The following NMNAT2 variants were observed in gnomAD, a reference collection of about 807,000 sequenced individuals.
NMNAT2 encodes nicotinamide nucleotide adenylyltransferase 2, also known as nicotinamide/nicotinic acid mononucleotide adenylyltransferase 2.
Under a neutral mutation model 41.6 loss-of-function variants are expected in NMNAT2, and 11 were observed. The observed-to-expected ratio is 0.26, with a 90% CI of 0.17 to 0.44. NMNAT2 has a LOEUF of 0.44. Ranked by LOEUF, NMNAT2 falls within the 20% of genes least tolerant of loss-of-function variation. NMNAT2 has a pLI of 1.00. For synonymous variants in NMNAT2, 148 were observed against 151.2 expected, an observed-to-expected ratio of 0.98 and a Z score of 0.16; for missense variants, 288 against 407.7, an observed-to-expected ratio of 0.71 and a Z score of 2.53.
chr1:183,395,091 T>C (rs180874306), intron 1 of NMNAT2, among the ~76,000 whole-genome samples: 1 of 152,184 alleles, frequency 6.6e-6, no homozygotes, highest in Non-Finnish European at 1.5e-5. Flanking sequence ...AGACAGACAC[T>C]GGCAACAACT....
intron 1 of NMNAT2, among the ~76,000 whole-genome samples, chr1:183,330,820 C>A (rs968599423): frequency 1.3e-5 from 2 of 152,188 alleles, no homozygotes; most frequent in Non-Finnish European, 2.9e-5. Flanking sequence ...AGCTCCTCCC[C>A]ACTTTAATGT....
At chr1:183,315,364 C>T (rs1662221365) in intron 1 of NMNAT2, among the ~76,000 whole-genome samples, 1 of 151,976 alleles carries the variant, frequency 6.6e-6, no homozygotes, top group South Asian at 2.1e-4. Context: ...CATTGGTGAA[C>T]ACTCAAAAAT....
chr1:183,300,111 G>A (rs1571584105), intron 1 of NMNAT2, among the ~76,000 whole-genome samples: 1 of 152,036 alleles, frequency 6.6e-6, no homozygotes, highest in East Asian at 1.9e-4. Context: ...ACACATAGAA[G>A]GCACCATTTA....
chr1:183,331,325 G>A lies in NMNAT2; in HGVS notation c.86-37532C>T, dbSNP rs183173337. On this transcript the variant is annotated intron_variant, in intron 1 of 10. Transcript: ENST00000287713. Reference sequence around the variant, plus strand: ...AAGCCTGTTTTTCAGCTCACAGCTGGGGACTTGAGGAGGAGACTGGCTGAC... The same window carrying A: ...AAGCCTGTTTTTCAGCTCACAGCTGAGGACTTGAGGAGGAGACTGGCTGAC... Among the ~76,000 whole-genome samples the A allele has an allele frequency of 2.2e-4, 33 of 152,310 alleles. No homozygotes were observed. The East Asian group carries it at 6.0e-3, about 28-fold the overall frequency.
At chr1:183,380,664 A>C (rs887646092) in intron 1 of NMNAT2, among the ~76,000 whole-genome samples, 2 of 152,194 alleles carry the variant, frequency 1.3e-5, no homozygotes, top group Non-Finnish European at 2.9e-5. Flanking sequence ...AAAAAGTAAT[A>C]TCTCTCCTTC....
At chr1:183,351,634 T>A (rs1663048736) in intron 1 of NMNAT2, among the ~76,000 whole-genome samples, 1 of 152,192 alleles carries the variant, frequency 6.6e-6, no homozygotes, top group Admixed American at 6.5e-5. Context: ...CAGCTTAGGG[T>A]CTTTGTTGAA....
chr1:183,402,730 C>T lies in NMNAT2; in HGVS notation c.85+15453G>A, dbSNP rs59861941. 6.1e-4 allele frequency among the ~76,000 whole-genome samples: 93 copies of T among 152,314 alleles called. No individual in the cohort carries two copies. In the East Asian group the frequency reaches 0.016, roughly 27 times the overall value. ...TGTCAGGCCACTGCTGCTCCCCCCT[C>T]CACTCCCTCAAGGCAGGACAAGTAT... On this transcript the variant is annotated intron_variant, in intron 1 of 10. Coordinates refer to ENST00000287713, the MANE Select transcript of NMNAT2 (RefSeq NM_015039.4).
intron 1 of NMNAT2, among the ~76,000 whole-genome samples, chr1:183,376,184 A>G (rs1302439798): frequency 6.6e-6 from 1 of 152,236 alleles, no homozygotes; most frequent in East Asian, 1.9e-4. Context: ...ATGTACTGAT[A>G]TAATAAATTA....
chr1:183,332,976 T>C (rs675220), intron 1 of NMNAT2, among the ~76,000 whole-genome samples: 40,306 of 152,098 alleles, frequency 0.27, 6,045 homozygotes, highest in African/African-American at 0.41. Flanking sequence ...GATCTTAGGA[T>C]GGCCTTATGG....
intron 1 of NMNAT2, among the ~76,000 whole-genome samples, chr1:183,308,576 G>T (rs1557873967): frequency 6.6e-6 from 1 of 152,148 alleles, no homozygotes; most frequent in African/African-American, 2.4e-5. Context: ...TTAAATGTTG[G>T]TACGTCCATT....
chr1:183,306,810 G>A (rs948936023), intron 1 of NMNAT2, among the ~76,000 whole-genome samples: 6 of 152,116 alleles, frequency 3.9e-5, no homozygotes, highest in African/African-American at 7.2e-5. Flanking sequence ...CCTGCCCCAG[G>A]TGTCACCAGC....
chr1:183,358,450 T>A (rs935932484), intron 1 of NMNAT2, among the ~76,000 whole-genome samples: 2 of 152,082 alleles, frequency 1.3e-5, no homozygotes, highest in Non-Finnish European at 2.9e-5. Flanking sequence ...AACTAGAACA[T>A]CTCAGGGGAA....
chr1:183,414,467 T>C (rs914475447), intron 1 of NMNAT2, among the ~76,000 whole-genome samples: 1 of 152,220 alleles, frequency 6.6e-6, no homozygotes, highest in African/African-American at 2.4e-5. Flanking sequence ...CTACATTAAA[T>C]TATAATCTCT....
chr1:183,324,458 TA>T (rs970790732), intron 1 of NMNAT2, among the ~76,000 whole-genome samples: 13 of 152,296 alleles, frequency 8.5e-5, no homozygotes, highest in South Asian at 4.1e-4. Flanking sequence ...CCTACCATAC[TA>T]TTTCCTTTAC....
intron 1 of NMNAT2, among the ~76,000 whole-genome samples, chr1:183,314,454 C>G (rs938656896): frequency 3.3e-5 from 5 of 152,214 alleles, no homozygotes; most frequent in African/African-American, 1.2e-4. Context: ...GGGAGCAGCT[C>G]CAGGTCAGTC....
In NMNAT2 at chr1:183,278,571, C is replaced by G; in HGVS notation, c.633G>C (p.Gly211=). The G allele has an allele frequency of 6.2e-7, 1 of 1,613,208 alleles. No individual in the cohort carries two copies. The highest frequency in any genetic ancestry group is 8.5e-7 in the Non-Finnish European group (1 of 1,179,226). Reference sequence around the variant, plus strand: ...TACTCACATCTGCCTCGTTCCAGAGCCCTGGGATGCAGAAGGACTCCAGCA... The same window carrying G: ...TACTCACATCTGCCTCGTTCCAGAGGCCTGGGATGCAGAAGGACTCCAGCA... The part of the protein sequence containing the change: ...SDLLESFCIP[G]LWNEADMEVI... The change falls in exon 8 of 11, where the codon GGG becomes GGC. Residue 211 remains glycine, a synonymous_variant. Transcript: ENST00000287713.
At chr1:183,312,690 ATC>A (rs1303666557) in intron 1 of NMNAT2, among the ~76,000 whole-genome samples, 2 of 152,136 alleles carry the variant, frequency 1.3e-5, no homozygotes, top group Non-Finnish European at 2.9e-5. Context: ...TTTTCCAAGT[ATC>A]CCTCAGGATA....
At chr1:183,413,439 G>T (rs1649169812) in intron 1 of NMNAT2, among the ~76,000 whole-genome samples, 1 of 152,166 alleles carries the variant, frequency 6.6e-6, no homozygotes, top group Admixed American at 6.5e-5. Context: ...CACGGTGGTG[G>T]CTGTGAGCAT....
In NMNAT2 at chr1:183,415,639, C is replaced by T. The variant is rs571053972; in HGVS notation, c.85+2544G>A. The stretch of plus-strand genomic sequence containing the variant: ...TGTTCATAAGTCACTTGGCTTCTGT[C>T]AGTTTCTCATTTGTAAAATAAGGGT... On this transcript the variant is annotated intron_variant, in intron 1 of 10. Transcript: ENST00000287713. Among the ~76,000 whole-genome samples the T allele has an allele frequency of 4.6e-5, 7 of 152,274 alleles. No individual in the cohort carries two copies. The East Asian group carries it at 1.3e-3, about 29-fold the overall frequency.
Sources: gnomAD v4.1 joint callset for allele counts (sites outside exome capture counted in the v4.1 genomes callset) on GRCh38, gnomAD v4.1.1 for gene constraint, MANE v1.5 for transcripts, NCBI Gene and HGNC (gene_info 2026-07-23, HGNC 2026-07-21) for gene names.